BCL11B: variants seen among roughly 807,000 people sequenced by gnomAD.
The protein encoded by BCL11B is B-cell lymphoma/leukemia 11B.
BCL11B carries 8 observed loss-of-function variants against 49.9 expected under a neutral mutation model. The observed-to-expected ratio is 0.16, with a 90% CI of 0.09 to 0.29. The LOEUF is 0.29. Ranked by LOEUF, BCL11B falls within the 10% of genes least tolerant of loss-of-function variation. The probability of loss-of-function intolerance (pLI) is 1.00; values close to 1 mark genes in which losing one functional copy is unlikely to be tolerated. For missense variants in BCL11B, 1,006 were observed against 1,351.0 expected (o/e 0.74, Z 4.00); for synonymous variants, 739 against 637.4 (o/e 1.16, Z -2.40).
At position 99,174,400 on chromosome 14, in the gene BCL11B, C is replaced by A. The variant is rs756365436; in HGVS notation, c.2436G>T (p.Thr812=). Residue 812 remains threonine (T), a synonymous_variant, in exon 4 of 4, where the codon ACG becomes ACT. Transcript: ENST00000357195. ...CGCCGGTGTGGCTCCGCCGGTGCAC[C>A]GTCAAGTTGCTGCAGTTCTTGAACA... is the stretch of plus-strand genomic sequence containing the variant. ...GKVFKNCSNL[T]VHRRSHTGER... 1 of 1,613,478 alleles carries A rather than the reference C, an allele frequency of 6.2e-7. No homozygotes were observed. Among genetic ancestry groups the A allele is most frequent in the Non-Finnish European group, 8.5e-7 (1 of 1,179,886 alleles).
chr14:99,170,575 G>GA lies in BCL11B; in HGVS notation c.*3575dup, dbSNP rs1002102314. 117 of 227,474 alleles carry GA rather than the reference G, an allele frequency of 5.1e-4. No individual in the cohort carries two copies. The highest frequency in any genetic ancestry group is 1.3e-3 in the Middle Eastern group (1 of 796). 14.1% of individuals were successfully genotyped at this position (227,474 alleles called of 1,614,324 possible). A position where few individuals can be genotyped will look rare whatever the true frequency, so the allele number is the denominator to read the frequency against. ...AAAAGAAATTAAATAAAAAATGAAA[G>GA]AAAAAAAAAGGACCAATGGAGGATG... On this transcript the variant is annotated 3_prime_UTR_variant, in exon 4 of 4. Coordinates refer to ENST00000357195, the MANE Select transcript of BCL11B (RefSeq NM_138576.4).
At chr14:99,269,463 T>C (rs2139980355) in intron 1 of BCL11B, among the ~76,000 whole-genome samples, 1 of 151,442 alleles carries the variant, frequency 6.6e-6, no homozygotes, top group South Asian at 2.1e-4. Flanking sequence ...TCCTCTTCCC[T>C]TCCTCCAAAG....
Position 99,271,314 on chromosome 14 carries a change from TGCCGCCGCCGCCGCCGCCGCC to T in BCL11B, c.-117_-97del. 1 of 849,214 alleles carries T rather than the reference TGCCGCCGCCGCCGCCGCCGCC, an allele frequency of 1.2e-6. No homozygotes were observed. The highest frequency in any genetic ancestry group is 1.5e-6 in the Non-Finnish European group (1 of 652,190). 52.6% of individuals were successfully genotyped at this position (849,214 alleles called of 1,614,324 possible). A position where few individuals can be genotyped will look rare whatever the true frequency, so the allele number is the denominator to read the frequency against. ...GCCGCCGCCGCGCCGCTGCCGCCGC[TGCCGCCGCCGCCGCCGCCGCC>T]GCACCTCCTCCTCTGCCCGGGTTGG... On this transcript the variant is annotated 5_prime_UTR_variant, in exon 1 of 4. Coordinates refer to ENST00000357195, the MANE Select transcript of BCL11B (RefSeq NM_138576.4).
intron 2 of BCL11B, among the ~76,000 whole-genome samples, chr14:99,233,772 C>T (rs1888405657): frequency 6.6e-6 from 1 of 152,180 alleles, no homozygotes; most frequent in Non-Finnish European, 1.5e-5. Context: ...TTGTTCCCTG[C>T]ATAGGGGTCA....
intron 2 of BCL11B, among the ~76,000 whole-genome samples, chr14:99,238,695 A>G (rs1888576005): frequency 6.6e-6 from 1 of 152,176 alleles, no homozygotes; most frequent in Non-Finnish European, 1.5e-5. Context: ...TCTCTCGGGG[A>G]AAATCCTGCA....
chr14:99,182,429 G>A (rs1179841545), intron 3 of BCL11B, among the ~76,000 whole-genome samples: 3 of 152,116 alleles, frequency 2.0e-5, no homozygotes, highest in Non-Finnish European at 4.4e-5. Context: ...GACACACTCC[G>A]GGCAGGGATG....
chr14:99,216,988 G>A (rs1054835211), intron 3 of BCL11B, among the ~76,000 whole-genome samples: 11 of 151,896 alleles, frequency 7.2e-5, no homozygotes, highest in South Asian at 2.1e-4. Context: ...ACAAATACGC[G>A]TGTATGTACA....
At chr14:99,198,986 C>T (rs955177517) in intron 3 of BCL11B, among the ~76,000 whole-genome samples, 7 of 152,048 alleles carry the variant, frequency 4.6e-5, no homozygotes, top group Non-Finnish European at 1.0e-4. Context: ...TTGCTCACGG[C>T]GAGGGACGCT....
intron 3 of BCL11B, among the ~76,000 whole-genome samples, chr14:99,223,714 C>T (rs952887299): frequency 9.9e-5 from 15 of 152,166 alleles, no homozygotes; most frequent in Admixed American, 3.3e-4. Flanking sequence ...AAAAACACGC[C>T]AATAATCACG....
chr14:99,224,251 ATC>A (rs1341122711), intron 3 of BCL11B, among the ~76,000 whole-genome samples: 2 of 152,192 alleles, frequency 1.3e-5, no homozygotes, highest in Non-Finnish European at 2.9e-5. Context: ...CTGAGTCTGA[ATC>A]TCTGTTTTGA....
At chr14:99,245,816 G>C (rs1193657008) in intron 2 of BCL11B, among the ~76,000 whole-genome samples, 1 of 152,142 alleles carries the variant, frequency 6.6e-6, no homozygotes, top group African/African-American at 2.4e-5. Flanking sequence ...AAAGGGGCCC[G>C]GGGCCGGCAG....
At position 99,261,603 on chromosome 14, in the gene BCL11B, A is replaced by G. The variant is rs542408661; in HGVS notation, c.59-3764T>C. Among the ~76,000 whole-genome samples the G allele has an allele frequency of 2.6e-5, 4 of 152,200 alleles. No homozygotes were observed. The East Asian group carries it at 7.7e-4, about 29-fold the overall frequency. ...CCCCTCATGCAGCCTTGTCCAGCAA[A>G]CTCGGGCCTTAAAAAAATAAAGCCA... On this transcript the variant is annotated intron_variant, in intron 1 of 3. Transcript: ENST00000357195.
intron 3 of BCL11B, among the ~76,000 whole-genome samples, chr14:99,220,291 AC>A (rs1465236149): frequency 6.6e-6 from 1 of 152,178 alleles, no homozygotes; most frequent in African/African-American, 2.4e-5. Flanking sequence ...ATTATTGTCC[AC>A]CCACGTTCTT....
intron 2 of BCL11B, among the ~76,000 whole-genome samples, chr14:99,246,727 A>C (rs55725033): frequency 0.99 from 151,305 of 152,232 alleles, 75,197 homozygotes; most frequent in East Asian, 1. Context: ...GGGCCTGAAG[A>C]CCCCTCGGGC....
intron 2 of BCL11B, among the ~76,000 whole-genome samples, chr14:99,238,080 A>G (rs1393284592): frequency 6.6e-6 from 1 of 152,048 alleles, no homozygotes; most frequent in East Asian, 1.9e-4. Context: ...CCACCAGGGT[A>G]TCCACCTGCA....
chr14:99,221,700 T>C (rs1224240607), intron 3 of BCL11B, among the ~76,000 whole-genome samples: 1 of 152,244 alleles, frequency 6.6e-6, no homozygotes, highest in Non-Finnish European at 1.5e-5. Context: ...AGGAAAGCAA[T>C]TTCGCATCTG....
At chr14:99,193,611 T>A (rs1240623488) in intron 3 of BCL11B, among the ~76,000 whole-genome samples, 1 of 152,112 alleles carries the variant, frequency 6.6e-6, no homozygotes, top group South Asian at 2.1e-4. Context: ...GAAAAAAAAG[T>A]TTCCCTTCTA....
chr14:99,186,702 T>C (rs1331702491), intron 3 of BCL11B, among the ~76,000 whole-genome samples: 1 of 152,216 alleles, frequency 6.6e-6, no homozygotes, highest in African/African-American at 2.4e-5. Flanking sequence ...ATTCCATTGC[T>C]GTAAATCCCA....
Position 99,268,794 on chromosome 14 carries a change from C to T in BCL11B, c.58+2367G>A, listed in dbSNP as rs188705161. Among the ~76,000 whole-genome samples the T allele has an allele frequency of 1.8e-3, 268 of 152,292 alleles. 2 individuals are homozygous for T. The highest frequency in any genetic ancestry group is 0.012 in the Admixed American group (189 of 15,308). On this transcript the variant is annotated intron_variant, in intron 1 of 3. Transcript: ENST00000357195. ...CAAAGGCAGGCCGGCTTTCCTTTGC[C>T]CTCTGGTCTCCTTCCCCTTTTTCTC... is the stretch of plus-strand genomic sequence containing the variant.
Sources: gnomAD v4.1 joint callset for allele counts (sites outside exome capture counted in the v4.1 genomes callset) on GRCh38, gnomAD v4.1.1 for gene constraint, MANE v1.5 for transcripts, NCBI Gene and HGNC (gene_info 2026-07-23, HGNC 2026-07-21) for gene names.